The following BPIFB4 variants were observed in gnomAD, a reference collection of about 807,000 sequenced individuals.
The protein encoded by BPIFB4 is BPI fold containing family B member 4.
Under a neutral mutation model 69.2 loss-of-function variants are expected in BPIFB4, and 62 were observed. That is an observed-to-expected ratio of 0.90 (90% confidence interval 0.73 to 1.11). BPIFB4 has a LOEUF of 1.11. BPIFB4 is among the 50% of genes least tolerant of loss of function. The pLI, the probability that BPIFB4 is intolerant of heterozygous loss-of-function variation, is 0.00. For synonymous variants in BPIFB4, 330 were observed against 332.7 expected (o/e 0.99, Z 0.09); for missense variants, 789 against 792.0 (o/e 1.00, Z 0.04).
intron 13 of BPIFB4, among the ~76,000 whole-genome samples, chr20:33,098,035 G>A (rs1981804464): frequency 6.6e-6 from 1 of 152,136 alleles, no homozygotes; most frequent in Non-Finnish European, 1.5e-5. Flanking sequence ...CAATTTGCTT[G>A]GCATTTCCTT....
In BPIFB4 at chr20:33,091,845, C is replaced by T. The variant is rs185035048; in HGVS notation, c.1144-613C>T. ...GTCATGAGCACGGTGATCAAGGATC[C>T]GAGGCTATCAGAGCCTAAAGCAGGG... On this transcript the variant is annotated intron_variant, in intron 10 of 17. Transcript: ENST00000375483. Among the ~76,000 whole-genome samples the T allele has an allele frequency of 4.9e-4, 74 of 152,270 alleles. No individual in the cohort carries two copies. The East Asian group carries it at 0.011, about 23-fold the overall frequency.
chr20:33,109,172 G>C (rs1033053933), intron 17 of BPIFB4, among the ~76,000 whole-genome samples: 2 of 152,132 alleles, frequency 1.3e-5, no homozygotes, highest in African/African-American at 4.8e-5. Context: ...AACGATAATG[G>C]CCACCTCATA....
chr20:33,087,992 G>A (rs1051435333), intron 7 of BPIFB4, among the ~76,000 whole-genome samples: 12 of 152,132 alleles, frequency 7.9e-5, no homozygotes, highest in African/African-American at 7.2e-5. Context: ...GGCAGGGTTC[G>A]GTGGCGAGGG....
intron 6 of BPIFB4, among the ~76,000 whole-genome samples, chr20:33,085,253 G>A (rs915899262): frequency 6.6e-5 from 10 of 152,080 alleles, no homozygotes; most frequent in South Asian, 4.1e-4. Flanking sequence ...TCAGGAGTTC[G>A]AGACCAGCCT....
intron 6 of BPIFB4, 66 bp from the exon 7 acceptor site, chr20:33,085,955 G>C: frequency 1.3e-6 from 2 of 1,537,338 alleles, no homozygotes; most frequent in Non-Finnish European, 1.8e-6. Flanking sequence ...GACAGGCCTG[G>C]GTAAGGGTGA....
intron 9 of BPIFB4, 116 bp downstream of exon 9, chr20:33,089,674 G>T: frequency 6.5e-7 from 1 of 1,528,940 alleles, no homozygotes; most frequent in South Asian, 1.3e-5. Context: ...TTGAAGTGAG[G>T]AGTGGCTAAT....
At chr20:33,089,156 G>A in intron 8 of BPIFB4, 127 bp downstream of exon 8, 3 of 1,449,474 alleles carry the variant, frequency 2.1e-6, no homozygotes, top group Non-Finnish European at 2.8e-6. Context: ...AAGGCCTGGG[G>A]CATGTATTTG....
chr20:33,089,507 A>G lies in BPIFB4; in HGVS notation c.1000A>G (p.Ile334Val). ...CATTTCTCCCCTGCAGCTCTGCCCCATCGTGGATGTGGTGCTGGGTCTTGT... is the reference window on the plus strand; with the variant it reads ...CATTTCTCCCCTGCAGCTCTGCCCCGTCGTGGATGTGGTGCTGGGTCTTGT... ...ADVLPDLLCP[I>V]VDVVLGLVND... is the part of the protein sequence containing the mutation. Residue 334 changes from isoleucine (I) to valine (V), a missense_variant, in exon 9 of 18, where the codon ATC becomes GTC. By Grantham distance (29) the Ile-to-Val change is conservative. This residue lies in a region of BPIFB4 where 611 missense variants were observed against 575.4 expected (regional missense o/e 1.06). Transcript: ENST00000375483. The G allele has an allele frequency of 6.2e-7, 1 of 1,610,814 alleles. No homozygotes were observed. Among genetic ancestry groups the G allele is most frequent in the Non-Finnish European group, 8.5e-7 (1 of 1,177,000 alleles).
intron 12 of BPIFB4, among the ~76,000 whole-genome samples, chr20:33,096,509 A>G (rs1175748971): frequency 6.6e-6 from 1 of 152,162 alleles, no homozygotes; most frequent in Non-Finnish European, 1.5e-5. Flanking sequence ...TCCTGACCTC[A>G]AGTGATCTGC....
intron 15 of BPIFB4, among the ~76,000 whole-genome samples, chr20:33,103,544 G>C (rs922726116): frequency 6.6e-6 from 1 of 152,148 alleles, no homozygotes; most frequent in African/African-American, 2.4e-5. Flanking sequence ...ACATTCTAGC[G>C]TTGGGTCCTG....
Position 33,092,661 on chromosome 20 carries a change from G to A in BPIFB4, c.1344+3G>A. ...ACCTGGATATCACCAATGGCATGGTGAGTCACAGCCCCACCAGGGGGAGGT... is the reference window on the plus strand; with the variant it reads ...ACCTGGATATCACCAATGGCATGGTAAGTCACAGCCCCACCAGGGGGAGGT... On this transcript the variant is annotated splice_donor_region_variant and intron_variant, in intron 11 of 17. Transcript: ENST00000375483. 6.2e-7 allele frequency: 1 copy of A among 1,606,950 alleles called. No homozygotes were observed. Among genetic ancestry groups the A allele is most frequent in the African/African-American group, 1.3e-5 (1 of 75,026 alleles).
intron 7 of BPIFB4, among the ~76,000 whole-genome samples, chr20:33,087,294 T>C (rs1019941615): frequency 1.3e-5 from 2 of 152,208 alleles, no homozygotes; most frequent in Non-Finnish European, 2.9e-5. Flanking sequence ...TCACCAGTTA[T>C]TCATCTCTCA....
At chr20:33,088,187 A>G (rs1981490705) in intron 7 of BPIFB4, among the ~76,000 whole-genome samples, 1 of 151,936 alleles carries the variant, frequency 6.6e-6, no homozygotes, top group Admixed American at 6.6e-5. Flanking sequence ...TGGGAGGGTT[A>G]GTTAAGAGCT....
chr20:33,087,707 C>G (rs549531779), intron 7 of BPIFB4, among the ~76,000 whole-genome samples: 83 of 147,774 alleles, frequency 5.6e-4, no homozygotes, highest in African/African-American at 2.1e-3. Flanking sequence ...GAAAGTCCAA[C>G]TATCCCCTCA....
rs202181665 is a variant in BPIFB4, at chr20:33,083,606, G to T, written c.409G>T (p.Gly137Trp). 1.5e-5 allele frequency: 25 copies of T among 1,613,912 alleles called. No homozygotes were observed. Among genetic ancestry groups the T allele is most frequent in the Non-Finnish European group, 2.0e-5 (24 of 1,179,984 alleles). The change falls in exon 5 of 18, where the codon GGG (glycine) becomes TGG (tryptophan). Residue 137 changes from glycine to tryptophan, a missense_variant. Gly to Trp is a radical substitution (Grantham distance 184). This residue lies in a region of BPIFB4 where 611 missense variants were observed against 575.4 expected (regional missense o/e 1.06). Transcript: ENST00000375483. ...TGCATATGGAGGCCACAGGGGCCTC[G>T]GGCGATACAGGGCAGCACCTGTGGG... ...ENAYGGHRGL[G>W]RYRAAPVGRL...
chr20:33,098,562 T>C (rs1981821545), intron 13 of BPIFB4, among the ~76,000 whole-genome samples: 1 of 151,946 alleles, frequency 6.6e-6, no homozygotes, highest in South Asian at 2.1e-4. Context: ...CTTGTCAACA[T>C]GGTGAAACTC....
intron 7 of BPIFB4, 137 bp downstream of exon 7, chr20:33,086,301 T>A: frequency 8.5e-7 from 1 of 1,173,270 alleles, no homozygotes; most frequent in Non-Finnish European, 1.2e-6. Flanking sequence ...TGAGTACTCA[T>A]GCTGAGCCAG....
Position 33,104,835 on chromosome 20 carries a change from A to G in BPIFB4, c.1706A>G (p.Glu569Gly), listed in dbSNP as rs750229579. 2 of 1,614,080 alleles carry G rather than the reference A, an allele frequency of 1.2e-6. No homozygotes were observed. The highest frequency in any genetic ancestry group is 4.5e-5 in the East Asian group (2 of 44,864). The change falls in exon 16 of 18, where the codon GAG becomes GGG. Residue 569 changes from glutamate to glycine, a missense_variant. Glu to Gly is a moderately conservative substitution (Grantham distance 98). Around this residue, in one of 3 missense-constraint regions of BPIFB4, gnomAD observed 170 missense variants for 193.6 expected, o/e 0.88. Transcript: ENST00000375483. ...FDIGLMEVLV[E>G]KIFDLAFMPA... ...ATTGGCCTCATGGAGGTGCTGGTGG[A>G]GAAGATTTTTGACCTGGCATTCATG...
intron 7 of BPIFB4, 81 bp from the exon 8 acceptor site, chr20:33,088,885 C>CTAGTG: frequency 6.2e-7 from 1 of 1,602,702 alleles, no homozygotes; most frequent in Admixed American, 1.7e-5. Context: ...AGAGCCTGGA[C>CTAGTG]TAGTGACCCA....
Sources: gnomAD v4.1 joint callset for allele counts (sites outside exome capture counted in the v4.1 genomes callset) on GRCh38, gnomAD v4.1.1 for gene constraint, gnomAD v4.1.1 regional missense constraint, MANE v1.5 for transcripts, NCBI Gene and HGNC (gene_info 2026-07-23, HGNC 2026-07-21) for gene names.